Variants in BCL9 observed in about 807,000 individuals in gnomAD.
BCL9 encodes B-cell CLL/lymphoma 9 protein.
In BCL9, 25 loss-of-function variants were observed where a neutral mutation model predicts 88.5. The ratio of observed to expected loss-of-function variants is 0.28; its 90% CI spans 0.21 to 0.39. BCL9 has a LOEUF of 0.39. BCL9 is among the 10% of genes least tolerant of loss of function. BCL9 has a pLI of 1.00. For missense variants in BCL9, 1,817 were observed against 1,877.8 expected (o/e 0.97, Z 0.60); for synonymous variants, 711 against 673.3 (o/e 1.06, Z -0.87).
At chr1:147,598,336 A>T (rs1461266579) in intron 1 of BCL9, among the ~76,000 whole-genome samples, 5 of 152,150 alleles carry the variant, frequency 3.3e-5, no homozygotes, top group African/African-American at 1.2e-4. Flanking sequence ...TTCTTTATTT[A>T]ATTTATATCC....
At chr1:147,546,695 G>T (rs1403137554) in intron 1 of BCL9, among the ~76,000 whole-genome samples, 1 of 152,200 alleles carries the variant, frequency 6.6e-6, no homozygotes, top group Non-Finnish European at 1.5e-5. Context: ...AGTTATCAAA[G>T]GGGAAAGGGT....
Position 147,625,229 on chromosome 1 carries a change from G to A in BCL9, c.*270G>A, listed in dbSNP as rs371099947. The A allele has an allele frequency of 2.7e-5, 11 of 412,284 alleles. No individual in the cohort carries two copies. The highest frequency in any genetic ancestry group is 1.2e-4 in the African/African-American group (6 of 50,510). 25.5% of individuals were successfully genotyped at this position (412,284 alleles called of 1,614,324 possible). On this transcript the variant is annotated 3_prime_UTR_variant, in exon 10 of 10. Transcript: ENST00000234739. Reference sequence around the variant, plus strand: ...GTATCAATGATGGCACCTACTTTTGGGAATCTGTAGCTGTGCTTTGAGAAT... The same window carrying A: ...GTATCAATGATGGCACCTACTTTTGAGAATCTGTAGCTGTGCTTTGAGAAT...
intron 1 of BCL9, among the ~76,000 whole-genome samples, chr1:147,549,467 G>C (rs1377878554): frequency 6.6e-6 from 1 of 152,126 alleles, no homozygotes; most frequent in Non-Finnish European, 1.5e-5. Context: ...AAGAAGAGAA[G>C]TTTCTTCTAG....
chr1:147,612,767 GT>G, intron 4 of BCL9, 115 bp from the exon 5 acceptor site: 1 of 973,226 alleles, frequency 1.0e-6, no homozygotes, highest in African/African-American at 1.6e-5. Flanking sequence ...GAATCATGGG[GT>G]GGTTATTTTA....
chr1:147,579,083 C>G (rs910724592), intron 1 of BCL9, among the ~76,000 whole-genome samples: 1 of 152,154 alleles, frequency 6.6e-6, no homozygotes, highest in African/African-American at 2.4e-5. Flanking sequence ...CCAGGCTGGT[C>G]TCGAACTCCT....
rs782370388 is a variant in BCL9 at position 147,619,617 on chromosome 1, G to A, written c.1462G>A (p.Glu488Lys). The A allele has an allele frequency of 1.2e-6, 2 of 1,614,080 alleles. No individual in the cohort carries two copies. The highest frequency in any genetic ancestry group is 2.2e-5 in the South Asian group (2 of 91,064). The change falls in exon 8 of 10, where the codon GAA (glutamate) becomes AAA (lysine). Residue 488 changes from glutamate to lysine, a missense_variant. Physicochemically the swap from Glu to Lys is moderately conservative, Grantham distance 56. This residue lies in a region of BCL9 where 1,228 missense variants were observed against 1,191.6 expected (regional missense o/e 1.03). Transcript: ENST00000234739. The surrounding 1 kb of genome is among the most constrained non-coding windows in gnomAD (Gnocchi z 4.1). ...EFYEEKRRKQ[E>K]QVVVQQCSLQ... ...TTATGAAGAGAAGAGGAGGAAGCAG[G>A]AACAAGTGGTTGTCCAGCAGTGTTC...
chr1:147,596,999 AG>A (rs1290329236), intron 1 of BCL9, among the ~76,000 whole-genome samples: 11 of 152,138 alleles, frequency 7.2e-5, no homozygotes, highest in Non-Finnish European at 1.6e-4. Context: ...ATCATTTCTG[AG>A]GAAGACTTTC....
At chr1:147,546,180 CA>C (rs1227335680) in intron 1 of BCL9, among the ~76,000 whole-genome samples, 3 of 151,492 alleles carry the variant, frequency 2.0e-5, no homozygotes, top group African/African-American at 4.9e-5. Context: ...ACTAAAAATA[CA>C]AAAAAAATTA....
At chr1:147,597,236 T>C (rs1019491002) in intron 1 of BCL9, among the ~76,000 whole-genome samples, 4 of 152,174 alleles carry the variant, frequency 2.6e-5, no homozygotes, top group African/African-American at 9.7e-5. Context: ...AAAGCACTTG[T>C]TGCCTCAACT....
intron 1 of BCL9, among the ~76,000 whole-genome samples, chr1:147,602,107 G>A (rs2101592012): frequency 6.6e-6 from 1 of 152,020 alleles, no homozygotes; most frequent in Non-Finnish European, 1.5e-5. Context: ...CACCATGTTG[G>A]CCAGGGTGGT....
At chr1:147,599,636 G>C (rs1553200907) in intron 1 of BCL9, among the ~76,000 whole-genome samples, 1 of 152,182 alleles carries the variant, frequency 6.6e-6, no homozygotes, top group Admixed American at 6.5e-5. Flanking sequence ...CTCTGGAGTT[G>C]GGGACTAGAG....
rs368566731 is a variant in BCL9 at position 147,615,900 on chromosome 1, C to T, written c.658C>T (p.Leu220=). Reference sequence around the variant, plus strand: ...CAAGACAGAGAGAAGCACAGCGCCTCTGGTATGTTGTTTCAGAAACTGAGT... The same window carrying T: ...CAAGACAGAGAGAAGCACAGCGCCTTTGGTATGTTGTTTCAGAAACTGAGT... ...NNKTERSTAP[L]NTQISALRND... Residue 220 remains leucine (L), a splice_region_variant and synonymous_variant, in exon 7 of 10, where the codon CTG becomes TTG. Coordinates refer to ENST00000234739, the MANE Select transcript of BCL9 (RefSeq NM_004326.4). 1.9e-6 allele frequency: 3 copies of T among 1,611,176 alleles called. No homozygotes were observed. Among genetic ancestry groups the T allele is most frequent in the Non-Finnish European group, 2.5e-6 (3 of 1,177,518 alleles).
At chr1:147,565,719 T>C (rs1655566803) in intron 1 of BCL9, among the ~76,000 whole-genome samples, 1 of 152,182 alleles carries the variant, frequency 6.6e-6, no homozygotes, top group Non-Finnish European at 1.5e-5. Flanking sequence ...AGCAAACTTC[T>C]AGAGAATTTG....
chr1:147,625,142 T>C lies in BCL9; in HGVS notation c.*183T>C. ...GATTTACCTGAAAACAAATTATTCA[T>C]TTAATCAACAGGTGTGTTTTTTTTA... On this transcript the variant is annotated 3_prime_UTR_variant, in exon 10 of 10. Transcript: ENST00000234739. 1 of 675,376 alleles carries C rather than the reference T, an allele frequency of 1.5e-6. No homozygotes were observed. The highest frequency in any genetic ancestry group is 2.3e-6 in the Non-Finnish European group (1 of 436,234). The allele number at this position is 675,376 out of a possible 1,614,324, so 41.8% of individuals were successfully genotyped here. A position where few individuals can be genotyped will look rare whatever the true frequency, so the allele number is the denominator to read the frequency against.
At chr1:147,559,118 C>A (rs1487561504) in intron 1 of BCL9, among the ~76,000 whole-genome samples, 2 of 103,656 alleles carry the variant, frequency 1.9e-5, no homozygotes, top group East Asian at 5.6e-4. Flanking sequence ...TTTTTTCTTT[C>A]TTTCTTCTTC....
intron 1 of BCL9, among the ~76,000 whole-genome samples, chr1:147,562,995 T>C (rs782695802): frequency 1.3e-5 from 2 of 152,186 alleles, no homozygotes; most frequent in Non-Finnish European, 2.9e-5. Flanking sequence ...CTTTTTTCAG[T>C]TCCTCAAGTG....
chr1:147,560,142 T>C (rs1292410433), intron 1 of BCL9, among the ~76,000 whole-genome samples: 3 of 152,122 alleles, frequency 2.0e-5, no homozygotes, highest in Admixed American at 6.5e-5. Flanking sequence ...CTATCAAGCT[T>C]GTTGGTAGGC....
intron 1 of BCL9, among the ~76,000 whole-genome samples, chr1:147,569,983 C>A (rs587641377): frequency 5.3e-5 from 8 of 152,202 alleles, no homozygotes; most frequent in Admixed American, 4.6e-4. Flanking sequence ...AAGATTAGTT[C>A]TATTTATGTT....
At chr1:147,614,022 A>G (rs782255786) in intron 5 of BCL9, among the ~76,000 whole-genome samples, 3 of 152,212 alleles carry the variant, frequency 2.0e-5, no homozygotes, top group Admixed American at 2.0e-4. Flanking sequence ...GGTCAGCAAG[A>G]TAGATACAGC....
Sources: allele counts gnomAD v4.1 joint callset (sites outside exome capture counted in the v4.1 genomes callset), GRCh38; gene constraint gnomAD v4.1.1; regional missense constraint gnomAD v4.1.1; non-coding constraint Gnocchi (gnomAD v3.1); transcripts MANE v1.5; gene names NCBI Gene and HGNC (gene_info 2026-07-23, HGNC 2026-07-21).